NRXN1: variants seen among roughly 807,000 people sequenced by gnomAD.
The protein encoded by NRXN1 is neurexin-1.
Under a neutral mutation model 150.9 loss-of-function variants are expected in NRXN1, and 39 were observed. The observed-to-expected ratio is 0.26, with a 90% CI of 0.20 to 0.34. NRXN1 has a LOEUF of 0.34. NRXN1 is among the 10% of genes least tolerant of loss of function. The pLI is 1.00. For synonymous variants in NRXN1, 924 were observed against 757.0 expected (o/e 1.22, Z -3.62); for missense variants, 1,815 against 1,949.9 (o/e 0.93, Z 1.30).
chr2:50,788,615 G>A (rs1420090267), intron 5 of NRXN1, among the ~76,000 whole-genome samples: 2 of 151,940 alleles, frequency 1.3e-5, no homozygotes, highest in African/African-American at 4.8e-5. Flanking sequence ...CAGAGAGAGA[G>A]AGAGAGAAAG....
At chr2:50,061,129 T>C (rs1240380421) in intron 19 of NRXN1, among the ~76,000 whole-genome samples, 1 of 152,234 alleles carries the variant, frequency 6.6e-6, no homozygotes, top group Non-Finnish European at 1.5e-5. Context: ...TTAAATAATT[T>C]CTCAAGATGT....
intron 5 of NRXN1, among the ~76,000 whole-genome samples, chr2:50,772,077 G>T (rs1198868090): frequency 6.6e-6 from 1 of 151,992 alleles, no homozygotes; most frequent in Non-Finnish European, 1.5e-5. Flanking sequence ...CTGGAGTACT[G>T]CCTGCTGAAT....
chr2:50,381,130 G>T (rs1428576332), intron 17 of NRXN1, among the ~76,000 whole-genome samples: 1 of 152,084 alleles, frequency 6.6e-6, no homozygotes, highest in Non-Finnish European at 1.5e-5. Flanking sequence ...CAGAATGAAT[G>T]AATGGAACAT....
chr2:50,163,004 C>T (rs1014907801), intron 18 of NRXN1, among the ~76,000 whole-genome samples: 6 of 151,702 alleles, frequency 4.0e-5, no homozygotes, highest in African/African-American at 1.5e-4. Flanking sequence ...TGCTTGTTTT[C>T]CAAAGTCTCT....
At chr2:50,798,517 C>A (rs1246849226) in intron 5 of NRXN1, among the ~76,000 whole-genome samples, 4 of 152,062 alleles carry the variant, frequency 2.6e-5, no homozygotes, top group Non-Finnish European at 5.9e-5. Flanking sequence ...CCTTAAAATT[C>A]TCTGGTTCAG....
At chr2:50,808,199 G>C (rs1441435484) in intron 5 of NRXN1, among the ~76,000 whole-genome samples, 2 of 152,090 alleles carry the variant, frequency 1.3e-5, no homozygotes, top group Non-Finnish European at 1.5e-5. Flanking sequence ...TCCGGGGCAA[G>C]TATAGACTGA....
At chr2:50,928,027 A>G (rs2352542) in intron 2 of NRXN1, among the ~76,000 whole-genome samples, 53,023 of 151,804 alleles carry the variant, frequency 0.35, 10,574 homozygotes, top group Non-Finnish European at 0.46. Context: ...ATGACCATAG[A>G]TACAAGCCTA....
intron 18 of NRXN1, among the ~76,000 whole-genome samples, chr2:50,233,949 A>G (rs1348511093): frequency 6.6e-6 from 1 of 152,082 alleles, no homozygotes; most frequent in Non-Finnish European, 1.5e-5. Flanking sequence ...TTCTGCTTCT[A>G]TCACCCCCAG....
intron 5 of NRXN1, among the ~76,000 whole-genome samples, chr2:50,700,196 T>G (rs1693532242): frequency 6.6e-6 from 1 of 152,208 alleles, no homozygotes; most frequent in Admixed American, 6.5e-5. Context: ...TATCCAAATC[T>G]AAAGTCATCT....
chr2:49,972,816 T>C (rs1348633830), intron 21 of NRXN1: 1 of 152,184 alleles, frequency 6.6e-6, no homozygotes, highest in African/African-American at 2.4e-5. Flanking sequence ...GAACTTCCCT[T>C]GAAAAGAGAG....
intron 5 of NRXN1, among the ~76,000 whole-genome samples, chr2:50,876,998 C>T (rs1678693137): frequency 6.6e-6 from 1 of 151,824 alleles, no homozygotes; most frequent in African/African-American, 2.4e-5. Context: ...CTCCACATAT[C>T]CACATTGGTA....
At chr2:50,316,245 G>A (rs75019402) in intron 17 of NRXN1, among the ~76,000 whole-genome samples, 1 of 151,920 alleles carries the variant, frequency 6.6e-6, no homozygotes, top group Non-Finnish European at 1.5e-5. Flanking sequence ...TGGAAGTCTG[G>A]GGAAGTATTA....
intron 17 of NRXN1, among the ~76,000 whole-genome samples, chr2:50,437,511 A>G (rs1170869692): frequency 6.6e-6 from 1 of 152,176 alleles, no homozygotes. Context: ...AAATAATTTC[A>G]GTGTCAGTGA....
At chr2:50,408,507 C>CACT (rs530526513) in intron 17 of NRXN1, among the ~76,000 whole-genome samples, 11 of 152,320 alleles carry the variant, frequency 7.2e-5, no homozygotes, top group South Asian at 4.1e-4. Flanking sequence ...AACCACTCTG[C>CACT]ACTACTTCCT....
chr2:50,886,213 A>T (rs1680219436), intron 5 of NRXN1, among the ~76,000 whole-genome samples: 2 of 151,346 alleles, frequency 1.3e-5, no homozygotes, highest in South Asian at 4.1e-4. Flanking sequence ...GATAACATGT[A>T]CTAAAAATAA....
chr2:50,088,451 T>C (rs1699096597), intron 19 of NRXN1, among the ~76,000 whole-genome samples: 1 of 152,184 alleles, frequency 6.6e-6, no homozygotes, highest in Non-Finnish European at 1.5e-5. Context: ...CTTTATTTTC[T>C]TGAGGGCCGA....
At chr2:50,709,666 T>C in intron 5 of NRXN1, among the ~76,000 whole-genome samples, 1 of 152,266 alleles carries the variant, frequency 6.6e-6, no homozygotes, top group East Asian at 1.9e-4. Flanking sequence ...ACCCGAAATC[T>C]GCTTCTCATG....
chr2:50,278,545 G>A (rs986517515), intron 17 of NRXN1, among the ~76,000 whole-genome samples: 1 of 150,922 alleles, frequency 6.6e-6, no homozygotes, highest in Non-Finnish European at 1.5e-5. Flanking sequence ...GTTAATCAAG[G>A]GCCCCTGTAT....
intron 18 of NRXN1, among the ~76,000 whole-genome samples, chr2:50,213,361 T>A (rs149984810): frequency 2.8e-4 from 42 of 152,028 alleles, no homozygotes; most frequent in African/African-American, 9.9e-4. Context: ...ATAAAAGCTA[T>A]GTGACTAAGG....
Sources: allele counts gnomAD v4.1 joint callset (sites outside exome capture counted in the v4.1 genomes callset), GRCh38; gene constraint gnomAD v4.1.1; transcripts MANE v1.5; gene names NCBI Gene and HGNC (gene_info 2026-07-23, HGNC 2026-07-21).